The following SLC16A14 variants were observed in gnomAD, a reference collection of about 807,000 sequenced individuals.
SLC16A14 encodes solute carrier family 16 member 14.
SLC16A14 carries 14 observed loss-of-function variants against 35.8 expected under a neutral mutation model. The observed-to-expected ratio is 0.39, with a 90% confidence interval of 0.26 to 0.61. The LOEUF (loss-of-function observed/expected upper bound fraction) is 0.61, where lower values mean the gene tolerates loss of function less well. Ranked by LOEUF, SLC16A14 falls within the 20% of genes least tolerant of loss-of-function variation. SLC16A14 has a pLI of 0.51. For synonymous variants in SLC16A14, 248 were observed against 258.9 expected (o/e 0.96, Z 0.40); for missense variants, 533 against 655.0 (o/e 0.81, Z 2.03).
chr2:230,039,849 G>A (rs1046231099), intron 4 of SLC16A14, among the ~76,000 whole-genome samples: 20 of 152,118 alleles, frequency 1.3e-4, no homozygotes, highest in African/African-American at 2.9e-4. Context: ...CGTGAACCTC[G>A]AAAATAGGAC....
rs1427579596 is a variant in SLC16A14 at position 230,036,263 on chromosome 2, T to C, written c.*1117A>G. 1.3e-5 allele frequency: 2 copies of C among 152,586 alleles called. No homozygotes were observed. Among genetic ancestry groups the C allele is most frequent in the African/African-American group, 4.8e-5 (2 of 41,466 alleles). The allele number at this position is 152,586 out of a possible 1,614,324, so 9.5% of individuals were successfully genotyped here. A position where few individuals can be genotyped will look rare whatever the true frequency, so the allele number is the denominator to read the frequency against. On this transcript the variant is annotated 3_prime_UTR_variant, in exon 5 of 5. Transcript: ENST00000295190. ...TCATGGATCACAGTCATCTTCTGTA[T>C]GAAATCAATCAAGAGAACTATTTTT...
At chr2:230,045,215 T>C (rs949563620) in intron 4 of SLC16A14, among the ~76,000 whole-genome samples, 1 of 152,218 alleles carries the variant, frequency 6.6e-6, no homozygotes, top group Non-Finnish European at 1.5e-5. Context: ...TGCTTTATCA[T>C]GTGGATAGGA....
At chr2:230,048,938 A>AAC (rs1437429793) in intron 3 of SLC16A14, among the ~76,000 whole-genome samples, 1 of 135,100 alleles carries the variant, frequency 7.4e-6, no homozygotes, top group Non-Finnish European at 1.6e-5. Flanking sequence ...AAAAAAAAAA[A>AAC]AAAAAAACAA....
Position 230,046,020 on chromosome 2 carries a change from A to G in SLC16A14, c.1106T>C (p.Ile369Thr), listed in dbSNP as rs2077603299. ...IAIVHIFGKVILGVIADLPCI... is the reference protein window; with the variant it reads ...IAIVHIFGKVTLGVIADLPCI... ...AGGCAAGTCGGCTATGACGCCCAGG[A>G]TCACTTTTCCAAAGATGTGAACTAT... Residue 369 changes from isoleucine (I) to threonine (T), a missense_variant, in exon 4 of 5, where the codon ATC (isoleucine) becomes ACC (threonine). Physicochemically the swap from Ile to Thr is moderately conservative, Grantham distance 89. Transcript: ENST00000295190. The surrounding 1 kb of genome is among the most constrained non-coding windows in gnomAD (Gnocchi z 5.0). 1.2e-6 allele frequency: 2 copies of G among 1,614,062 alleles called. No homozygotes were observed. The highest frequency in any genetic ancestry group is 1.7e-6 in the Non-Finnish European group (2 of 1,179,868).
intron 1 of SLC16A14, among the ~76,000 whole-genome samples, chr2:230,065,003 T>G (rs2077782038): frequency 6.6e-6 from 1 of 152,088 alleles, no homozygotes; most frequent in African/African-American, 2.4e-5. Context: ...AGAGTGAAAC[T>G]CCATCTCAAA....
chr2:230,043,472 C>G (rs6727403), intron 4 of SLC16A14, among the ~76,000 whole-genome samples: 9,503 of 152,232 alleles, frequency 0.062, 1,026 homozygotes, highest in African/African-American at 0.22. Context: ...TTGTCCTGTA[C>G]CCATGGGATT....
At chr2:230,063,694 C>T (rs1406271857) in intron 1 of SLC16A14, among the ~76,000 whole-genome samples, 1 of 152,064 alleles carries the variant, frequency 6.6e-6, no homozygotes, top group Non-Finnish European at 1.5e-5. Flanking sequence ...AGACATGTAT[C>T]CATAGGAAAA....
intron 2 of SLC16A14, among the ~76,000 whole-genome samples, chr2:230,051,620 G>A (rs1249371831): frequency 2.6e-5 from 4 of 152,200 alleles, no homozygotes; most frequent in East Asian, 3.9e-4. Flanking sequence ...TCAGTAAGAT[G>A]GCATATTTTA....
At chr2:230,043,751 C>T (rs2077578442) in intron 4 of SLC16A14, among the ~76,000 whole-genome samples, 1 of 152,244 alleles carries the variant, frequency 6.6e-6, no homozygotes, top group African/African-American at 2.4e-5. Context: ...ACTCCTGTCT[C>T]CAGTTCTTGG....
intron 2 of SLC16A14, among the ~76,000 whole-genome samples, chr2:230,057,439 T>C (rs2077714521): frequency 6.6e-6 from 1 of 152,144 alleles, no homozygotes; most frequent in African/African-American, 2.4e-5. Flanking sequence ...TCAGGAAAAC[T>C]TGAATCTATG....
At chr2:230,054,092 G>C (rs1455752198) in intron 2 of SLC16A14, among the ~76,000 whole-genome samples, 3 of 151,768 alleles carry the variant, frequency 2.0e-5, no homozygotes, top group Non-Finnish European at 4.4e-5. Flanking sequence ...GAGGTGGGGG[G>C]GGAAGTTAAA....
chr2:230,054,269 GAA>G, intron 2 of SLC16A14, among the ~76,000 whole-genome samples: 1 of 152,218 alleles, frequency 6.6e-6, no homozygotes, highest in East Asian at 1.9e-4. Flanking sequence ...ACTGTGAAAA[GAA>G]AATACAGACT....
intron 4 of SLC16A14, among the ~76,000 whole-genome samples, chr2:230,037,788 A>C (rs550778139): frequency 6.6e-6 from 1 of 151,976 alleles, no homozygotes; most frequent in African/African-American, 2.4e-5. Flanking sequence ...TGCATTCGTT[A>C]AGCCACTTGG....
intron 2 of SLC16A14, among the ~76,000 whole-genome samples, chr2:230,050,418 C>T (rs896106715): frequency 3.9e-5 from 6 of 152,160 alleles, no homozygotes; most frequent in Admixed American, 3.3e-4. Context: ...TAAACCTGGC[C>T]TCAATTACAT....
chr2:230,044,726 G>GTGTGTGTGTGTGTT (rs1560472099), intron 4 of SLC16A14, among the ~76,000 whole-genome samples: 1 of 103,078 alleles, frequency 9.7e-6, no homozygotes, highest in East Asian at 3.3e-4. Flanking sequence ...GTGTGTGTGT[G>GTGTGTGTGTGTGTT]TGTGTGTGTG....
intron 1 of SLC16A14, among the ~76,000 whole-genome samples, chr2:230,063,580 A>G (rs1490951568): frequency 6.6e-6 from 1 of 152,188 alleles, no homozygotes; most frequent in Non-Finnish European, 1.5e-5. Context: ...TAGGTCTCTC[A>G]TCAATAATAA....
chr2:230,059,957 T>C (rs1368864667), intron 1 of SLC16A14, among the ~76,000 whole-genome samples: 2 of 152,216 alleles, frequency 1.3e-5, no homozygotes, highest in Admixed American at 1.3e-4. Flanking sequence ...TTGATTACAA[T>C]GAAAGACATA....
rs1407157021 is a variant in SLC16A14, at chr2:230,046,772, C to T, written c.404-50G>A. The stretch of plus-strand genomic sequence containing the variant: ...AAAGACACAGTGCAACATCAGTGGC[C>T]ATATCCAGAATTCGCAGCAAAGATC... On this transcript the variant is annotated intron_variant, in intron 3 of 4. Transcript: ENST00000295190. This position sits in a 1 kb window ranked among gnomAD's most constrained non-coding sequence, Gnocchi z 5.0. 6.6e-7 allele frequency: 1 copy of T among 1,522,006 alleles called. No individual in the cohort carries two copies. Among genetic ancestry groups the T allele is most frequent in the Non-Finnish European group, 8.8e-7 (1 of 1,141,576 alleles). The allele number at this position is 1,522,006 out of a possible 1,614,324, so 94.3% of individuals were successfully genotyped here. A position where few individuals can be genotyped will look rare whatever the true frequency, so the allele number is the denominator to read the frequency against.
intron 1 of SLC16A14, among the ~76,000 whole-genome samples, chr2:230,063,998 G>A (rs1280562335): frequency 6.6e-6 from 1 of 151,988 alleles, no homozygotes; most frequent in Non-Finnish European, 1.5e-5. Flanking sequence ...CCTGGAGGCA[G>A]AGGTGGGAGA....
Sources: gnomAD v4.1 joint callset for allele counts (sites outside exome capture counted in the v4.1 genomes callset) on GRCh38, gnomAD v4.1.1 for gene constraint, Gnocchi (gnomAD v3.1) non-coding constraint, MANE v1.5 for transcripts, NCBI Gene and HGNC (gene_info 2026-07-23, HGNC 2026-07-21) for gene names.